The following OPCML variants were observed in gnomAD, a reference collection of about 807,000 sequenced individuals.
The protein encoded by OPCML is opioid binding protein/cell adhesion molecule like, also known as opioid-binding protein/cell adhesion molecule.
Under a neutral mutation model 37.8 loss-of-function variants are expected in OPCML, and 13 were observed. The observed-to-expected ratio is 0.34, with a 90% confidence interval of 0.22 to 0.55. The LOEUF is 0.55. Among genes scored for constraint, OPCML ranks in the 20% least tolerant of loss-of-function variants. The pLI, the probability that OPCML is intolerant of heterozygous loss-of-function variation, is 0.91. For synonymous variants in OPCML, 176 were observed against 168.8 expected, an observed-to-expected ratio of 1.04 and a Z score of -0.33; for missense variants, 341 against 435.6, an observed-to-expected ratio of 0.78 and a Z score of 1.93.
intron 1 of OPCML, among the ~76,000 whole-genome samples, chr11:133,274,891 C>G (rs1243963232): frequency 6.6e-6 from 1 of 152,120 alleles, no homozygotes; most frequent in African/African-American, 2.4e-5. Context: ...CTGGAAAGCT[C>G]GAGACCTGCC....
chr11:133,418,258 C>T, intron 1 of OPCML: 2 of 985,366 alleles, frequency 2.0e-6, no homozygotes, highest in Non-Finnish European at 1.2e-6. Flanking sequence ...AGTACAAGGT[C>T]AACACCATTC....
intron 2 of OPCML, among the ~76,000 whole-genome samples, chr11:132,828,773 A>C (rs1940516319): frequency 6.6e-6 from 1 of 152,144 alleles, no homozygotes; most frequent in African/African-American, 2.4e-5. Flanking sequence ...TGTCTAGAAG[A>C]TCTATGTGTT....
chr11:133,246,995 A>T (rs989314472), intron 1 of OPCML, among the ~76,000 whole-genome samples: 8 of 152,202 alleles, frequency 5.3e-5, no homozygotes, highest in Non-Finnish European at 1.2e-4. Flanking sequence ...CCGAAACATG[A>T]GCTATAAGAA....
intron 1 of OPCML, among the ~76,000 whole-genome samples, chr11:133,519,277 C>T (rs1948352943): frequency 6.6e-6 from 1 of 152,178 alleles, no homozygotes; most frequent in Admixed American, 6.5e-5. Context: ...ATGTTCAATG[C>T]AATACAAAAG....
At chr11:133,323,523 G>A (rs1469572236) in intron 1 of OPCML, among the ~76,000 whole-genome samples, 1 of 152,180 alleles carries the variant, frequency 6.6e-6, no homozygotes, top group Non-Finnish European at 1.5e-5. Flanking sequence ...GGAAGGAAAT[G>A]CTTCAGCACT....
At chr11:133,157,416 T>C (rs776918129) in intron 1 of OPCML, among the ~76,000 whole-genome samples, 3 of 152,160 alleles carry the variant, frequency 2.0e-5, no homozygotes, top group East Asian at 1.9e-4. Context: ...ACGTCAGCTG[T>C]CAATTTCTAA....
intron 1 of OPCML, among the ~76,000 whole-genome samples, chr11:132,959,403 G>A (rs1367089360): frequency 6.6e-6 from 1 of 152,228 alleles, no homozygotes; most frequent in Non-Finnish European, 1.5e-5. Flanking sequence ...TGACAACAAG[G>A]GAGTCAGAAT....
Position 133,433,351 on chromosome 11 carries a change from C to T in OPCML, c.61+98913G>A, listed in dbSNP as rs114429027. On this transcript the variant is annotated intron_variant, in intron 1 of 7. Coordinates refer to ENST00000524381, the MANE Select transcript of OPCML (RefSeq NM_001012393.5). ...TTTTATTTCTTTGCGCATAATTACA[C>T]ACATATATTTTATATTCTGCTTTTG... 4.1e-3 allele frequency among the ~76,000 whole-genome samples: 627 copies of T among 151,600 alleles called. 7 individuals carry two copies. Among genetic ancestry groups the T allele is most frequent in the African/African-American group, 0.014 (590 of 41,128 alleles).
intron 1 of OPCML, among the ~76,000 whole-genome samples, chr11:133,332,378 T>C (rs999599505): frequency 6.6e-6 from 1 of 152,188 alleles, no homozygotes; most frequent in East Asian, 1.9e-4. Context: ...GGAACAGAGA[T>C]AGTTTGAGTT....
chr11:133,196,494 C>G (rs1938540952), intron 1 of OPCML, among the ~76,000 whole-genome samples: 1 of 152,216 alleles, frequency 6.6e-6, no homozygotes, highest in South Asian at 2.1e-4. Flanking sequence ...TTTTCTAACT[C>G]TCTTGCCAGG....
rs1445108550 is a variant in OPCML, at chr11:132,910,120, ACTC to A, written c.146+32803_146+32805del. Among the ~76,000 whole-genome samples the A allele has an allele frequency of 3.9e-5, 6 of 152,220 alleles. No homozygotes were observed. In the East Asian group the frequency reaches 9.7e-4, roughly 25 times the overall value. Reference sequence around the variant, plus strand: ...CATGTGAAATCCTGGTACAGAAGGCACTCCTCCTCTGAGCACTGCTTTCAATAA... The same window carrying A: ...CATGTGAAATCCTGGTACAGAAGGCACTCCTCTGAGCACTGCTTTCAATAA... On this transcript the variant is annotated intron_variant, in intron 2 of 7. Coordinates refer to ENST00000524381, the MANE Select transcript of OPCML (RefSeq NM_001012393.5).
Position 132,943,248 on chromosome 11 carries a change from G to A in OPCML, c.62-238C>T. 6 of 1,118,014 alleles carry A rather than the reference G, an allele frequency of 5.4e-6. No homozygotes were observed. Among genetic ancestry groups the A allele is most frequent in the Non-Finnish European group, 7.6e-6 (6 of 794,694 alleles). The allele number at this position is 1,118,014 out of a possible 1,614,324, so 69.3% of individuals were successfully genotyped here. On this transcript the variant is annotated intron_variant, in intron 1 of 7. Transcript: ENST00000524381. This position sits in a 1 kb window ranked among gnomAD's most constrained non-coding sequence, Gnocchi z 4.3. ...GAGAAGAGAGGAGTCCGGGCTCTCCGGAGTCTGAGAATTCTTCCTCAGATC... is the reference window on the plus strand; with the variant it reads ...GAGAAGAGAGGAGTCCGGGCTCTCCAGAGTCTGAGAATTCTTCCTCAGATC...
intron 1 of OPCML, among the ~76,000 whole-genome samples, chr11:133,434,674 A>G (rs1438110165): frequency 1.3e-5 from 2 of 151,668 alleles, no homozygotes; most frequent in Non-Finnish European, 2.9e-5. Flanking sequence ...GGTTCTTCCA[A>G]TGGGAGGGGG....
At chr11:132,868,654 G>A (rs1443556296) in intron 2 of OPCML, among the ~76,000 whole-genome samples, 1 of 152,090 alleles carries the variant, frequency 6.6e-6, no homozygotes, top group African/African-American at 2.4e-5. Context: ...ACTCTAAAGG[G>A]CCATTGTTTC....
At chr11:133,035,640 C>G (rs1186198908) in intron 1 of OPCML, among the ~76,000 whole-genome samples, 2 of 152,084 alleles carry the variant, frequency 1.3e-5, no homozygotes, top group African/African-American at 2.4e-5. Context: ...TCGTGCCCCC[C>G]CAAAAAATGT....
intron 1 of OPCML, among the ~76,000 whole-genome samples, chr11:133,185,700 CA>C (rs1053001041): frequency 2.0e-5 from 3 of 151,730 alleles, no homozygotes; most frequent in Admixed American, 1.3e-4. Context: ...TATTTGAGAA[CA>C]AAAAAAACAA....
At chr11:132,987,812 C>T (rs1159733149) in intron 1 of OPCML, among the ~76,000 whole-genome samples, 1 of 152,166 alleles carries the variant, frequency 6.6e-6, no homozygotes, top group Non-Finnish European at 1.5e-5. Context: ...CTCCCTTCAC[C>T]CTGGTCCCCC....
intron 1 of OPCML, among the ~76,000 whole-genome samples, chr11:133,529,788 A>C (rs1417982155): frequency 6.6e-6 from 1 of 152,098 alleles, no homozygotes; most frequent in South Asian, 2.1e-4. Context: ...TGAAACAAAG[A>C]AAAAAAAGTC....
At chr11:132,616,110 AT>A (rs1413608706) in intron 3 of OPCML, among the ~76,000 whole-genome samples, 1 of 152,232 alleles carries the variant, frequency 6.6e-6, no homozygotes, top group African/African-American at 2.4e-5. Context: ...CCTATGCTCA[AT>A]AAAAACTTTT....
Sources: allele counts gnomAD v4.1 joint callset (sites outside exome capture counted in the v4.1 genomes callset), GRCh38; gene constraint gnomAD v4.1.1; non-coding constraint Gnocchi (gnomAD v3.1); transcripts MANE v1.5; gene names NCBI Gene and HGNC (gene_info 2026-07-23, HGNC 2026-07-21).